Variants in PTH2R observed in about 807,000 individuals in gnomAD.
PTH2R encodes parathyroid hormone 2 receptor.
Under a neutral mutation model 60.3 loss-of-function variants are expected in PTH2R, and 59 were observed. That is an observed-to-expected ratio of 0.98 (90% CI 0.79 to 1.22). PTH2R has a LOEUF of 1.22. PTH2R is among the 50% of genes most tolerant of loss of function. The pLI is 0.00. For synonymous variants in PTH2R, 256 were observed against 243.8 expected, an observed-to-expected ratio of 1.05 and a Z score of -0.47; for missense variants, 749 against 682.6, an observed-to-expected ratio of 1.10 and a Z score of -1.08.
At chr2:208,453,193 C>T (rs956977640) in intron 8 of PTH2R, among the ~76,000 whole-genome samples, 2 of 152,148 alleles carry the variant, frequency 1.3e-5, no homozygotes, top group Non-Finnish European at 2.9e-5. Flanking sequence ...AATAGGTTAT[C>T]ACCTACCATT....
At chr2:208,396,729 A>G (rs1701216450) in intron 1 of PTH2R, among the ~76,000 whole-genome samples, 2 of 152,230 alleles carry the variant, frequency 1.3e-5, no homozygotes, top group Admixed American at 6.5e-5. Context: ...GAGTTCAACC[A>G]TTGTGGAAGA....
Position 208,366,307 on chromosome 2 carries a change from T to G in PTH2R, c.-259+6070T>G, listed in dbSNP as rs150662119. On this transcript the variant is annotated intron_variant, in intron 1 of 12. Coordinates refer to the PTH2R transcript ENST00000617735. ...TTTCTAGAAATTTATCCATTTCTTA[T>G]AGGTCATCCAGTTTGTTGGTATAGT... Among the ~76,000 whole-genome samples, 11 of 152,264 alleles carry G rather than the reference T, an allele frequency of 7.2e-5. No individual in the cohort carries two copies. The East Asian group carries it at 1.5e-3, about 21-fold the overall frequency.
In PTH2R at chr2:208,369,366, C is replaced by CTTTTT. The variant is rs34110985; in HGVS notation, c.-259+9130_-259+9131insTTTTT. On this transcript the variant is annotated intron_variant, in intron 1 of 12. Transcript: ENST00000617735. ...TTGTCTGTAAACAACACTGGTCTCTCTCTCTTTTTTTTTTTTTTTAGAAGG... is the reference window on the plus strand; with the variant it reads ...TTGTCTGTAAACAACACTGGTCTCTCTTTTTTCTCTTTTTTTTTTTTTTTAGAAGG... Among the ~76,000 whole-genome samples the CTTTTT allele has an allele frequency of 1.8e-4, 24 of 135,050 alleles. 11 individuals carry two copies. Among genetic ancestry groups the CTTTTT allele is most frequent in the Middle Eastern group, 7.8e-3 (2 of 258 alleles). 88.6% of individuals were successfully genotyped at this position (135,050 alleles called of 152,430 possible).
intron 1 of PTH2R, among the ~76,000 whole-genome samples, chr2:208,375,308 T>G (rs1449474130): frequency 6.6e-6 from 1 of 152,026 alleles, no homozygotes; most frequent in Non-Finnish European, 1.5e-5. Flanking sequence ...AACACTTAAT[T>G]TCAAGTACCT....
At chr2:208,366,217 C>T (rs1898439) in intron 1 of PTH2R, among the ~76,000 whole-genome samples, 4 of 151,178 alleles carry the variant, frequency 2.6e-5, no homozygotes, top group Admixed American at 6.6e-5. Flanking sequence ...ACTCAATTTC[C>T]TTACTAGTTA....
At chr2:208,474,273 A>G (rs926790108) in intron 9 of PTH2R, among the ~76,000 whole-genome samples, 1 of 20,558 alleles carries the variant, frequency 4.9e-5, no homozygotes, top group Non-Finnish European at 1.1e-4. Flanking sequence ...AGCCTATAAT[A>G]CGGCAGTAAT....
At chr2:208,386,932 G>T (rs1050342698) in intron 1 of PTH2R, among the ~76,000 whole-genome samples, 4 of 152,162 alleles carry the variant, frequency 2.6e-5, no homozygotes, top group Non-Finnish European at 4.4e-5. Flanking sequence ...CTCATAACAG[G>T]TAAGGTAGAA....
At chr2:208,416,668 A>C (rs1318686530) in intron 1 of PTH2R, among the ~76,000 whole-genome samples, 2 of 152,238 alleles carry the variant, frequency 1.3e-5, no homozygotes, top group Non-Finnish European at 2.9e-5. Context: ...GGTGTTTCCC[A>C]AGGAGATTAA....
chr2:208,401,297 A>C (rs563546966), intron 1 of PTH2R, among the ~76,000 whole-genome samples: 135 of 152,172 alleles, frequency 8.9e-4, no homozygotes, highest in Non-Finnish European at 1.7e-3. Context: ...CCTACCTGCC[A>C]CCTGTATGTT....
intron 4 of PTH2R, among the ~76,000 whole-genome samples, chr2:208,438,868 A>G (rs1702129236): frequency 6.6e-6 from 1 of 152,152 alleles, no homozygotes; most frequent in Non-Finnish European, 1.5e-5. Flanking sequence ...TTCTTCCTTA[A>G]TGAGTTCTTT....
At chr2:208,366,647 G>C (rs1041371613) in intron 1 of PTH2R, among the ~76,000 whole-genome samples, 1 of 152,176 alleles carries the variant, frequency 6.6e-6, no homozygotes, top group Admixed American at 6.5e-5. Flanking sequence ...GGTTTATTCT[G>C]TTAATGTGCT....
chr2:208,403,516 A>G (rs1441745790), upstream of PTH2R, among the ~76,000 whole-genome samples: 2 of 152,226 alleles, frequency 1.3e-5, no homozygotes. Flanking sequence ...CTGATCTAAC[A>G]ATTAATGAAA....
chr2:208,367,427 T>TC (rs1389537214), intron 1 of PTH2R, among the ~76,000 whole-genome samples: 5 of 147,744 alleles, frequency 3.4e-5, no homozygotes, highest in African/African-American at 4.9e-5. Flanking sequence ...TCTCTTTCTT[T>TC]TTTTTTTTTT....
At chr2:208,458,154 G>A (rs938417430) in intron 8 of PTH2R, among the ~76,000 whole-genome samples, 1 of 152,054 alleles carries the variant, frequency 6.6e-6, no homozygotes, top group African/African-American at 2.4e-5. Context: ...GATTGGGTGA[G>A]CATGAGTAAA....
intron 2 of PTH2R, among the ~76,000 whole-genome samples, chr2:208,434,890 G>A (rs1702044332): frequency 6.6e-6 from 1 of 152,222 alleles, no homozygotes; most frequent in African/African-American, 2.4e-5. Flanking sequence ...GGCAGGTGGA[G>A]CTGTGCACCA....
intron 4 of PTH2R, among the ~76,000 whole-genome samples, chr2:208,441,230 A>G (rs547855676): frequency 2.0e-5 from 3 of 152,346 alleles, no homozygotes; most frequent in Admixed American, 1.3e-4. Context: ...ATTATAAAGG[A>G]TATTTTAAAG....
chr2:208,463,406 T>C (rs1219419068), intron 9 of PTH2R, among the ~76,000 whole-genome samples: 1 of 152,090 alleles, frequency 6.6e-6, no homozygotes, highest in Non-Finnish European at 1.5e-5. Flanking sequence ...GTCACAGTGG[T>C]TACAGCATAG....
chr2:208,367,424 C>CTTTTTTT (rs141555131), intron 1 of PTH2R, among the ~76,000 whole-genome samples: 5 of 129,012 alleles, frequency 3.9e-5, no homozygotes, highest in Non-Finnish European at 6.4e-5. Flanking sequence ...TTTTCTCTTT[C>CTTTTTTT]TTTTTTTTTT....
chr2:208,440,130 T>C (rs899356762), intron 4 of PTH2R, among the ~76,000 whole-genome samples: 2 of 152,074 alleles, frequency 1.3e-5, no homozygotes, highest in Non-Finnish European at 2.9e-5. Flanking sequence ...TTCACAGAAA[T>C]AGAATGAAAT....
Sources: gnomAD v4.1 joint callset for allele counts (sites outside exome capture counted in the v4.1 genomes callset) on GRCh38, gnomAD v4.1.1 for gene constraint, MANE v1.5 for transcripts, NCBI Gene and HGNC (gene_info 2026-07-23, HGNC 2026-07-21) for gene names.